Variants in KAZN observed in about 807,000 individuals in gnomAD.
KAZN encodes kazrin, periplakin interacting protein, also known as kazrin.
KAZN carries 40 observed loss-of-function variants against 87.4 expected under a neutral mutation model. The observed-to-expected ratio is 0.46, with a 90% confidence interval of 0.36 to 0.60. The LOEUF is 0.60. Among genes scored for constraint, KAZN ranks in the 20% least tolerant of loss-of-function variants. KAZN has a pLI of 0.00. For missense variants in KAZN, 898 were observed against 1,073.9 expected (o/e 0.84, Z 2.29); for synonymous variants, 466 against 458.3 (o/e 1.02, Z -0.22).
chr1:15,040,532 G>A (rs752802077), intron 3 of KAZN, among the ~76,000 whole-genome samples: 7 of 152,200 alleles, frequency 4.6e-5, no homozygotes, highest in East Asian at 3.9e-4. Flanking sequence ...TAGGGAGGCT[G>A]AGGCAGACAG....
chr1:14,772,553 G>A (rs1645049523), intron 1 of KAZN, among the ~76,000 whole-genome samples: 2 of 151,114 alleles, frequency 1.3e-5, no homozygotes, highest in Non-Finnish European at 2.9e-5. Context: ...ACCCCTCTTG[G>A]ATCTAAGTGA....
chr1:14,480,308 C>G (rs887112257), intron 2 of KAZN, among the ~76,000 whole-genome samples: 2 of 152,182 alleles, frequency 1.3e-5, no homozygotes, highest in Non-Finnish European at 2.9e-5. Flanking sequence ...CCAACAACAA[C>G]AAACATTTAC....
intron 1 of KAZN, among the ~76,000 whole-genome samples, chr1:13,895,991 A>T (rs1318116413): frequency 6.7e-6 from 1 of 150,086 alleles, no homozygotes; most frequent in African/African-American, 2.4e-5. Context: ...AATTTTCATA[A>T]TTTTTTTTTT....
At chr1:14,661,749 C>T (rs1639182667) in intron 1 of KAZN, among the ~76,000 whole-genome samples, 1 of 151,982 alleles carries the variant, frequency 6.6e-6, no homozygotes, top group African/African-American at 2.4e-5. Context: ...ACCCCCGTCT[C>T]TACTGAAAAT....
chr1:14,007,563 C>G (rs1640089982), intron 1 of KAZN, among the ~76,000 whole-genome samples: 2 of 152,208 alleles, frequency 1.3e-5, no homozygotes, highest in Admixed American at 1.3e-4. Context: ...AAACACTATC[C>G]ATGTCTGGCA....
intron 1 of KAZN, among the ~76,000 whole-genome samples, chr1:14,143,352 C>T (rs1393751380): frequency 2.0e-5 from 3 of 152,148 alleles, no homozygotes; most frequent in Non-Finnish European, 4.4e-5. Flanking sequence ...CACTGCTCCC[C>T]TAGAAAACCC....
intron 2 of KAZN, among the ~76,000 whole-genome samples, chr1:14,992,200 C>G (rs949966467): frequency 2.0e-5 from 3 of 152,138 alleles, no homozygotes; most frequent in African/African-American, 7.2e-5. Flanking sequence ...TGTCCCTACC[C>G]GTGAGTGTGT....
In KAZN at chr1:14,416,849, G is replaced by A. The variant is rs544671686; in HGVS notation, c.250-182134G>A. 2.6e-5 allele frequency among the ~76,000 whole-genome samples: 4 copies of A among 152,054 alleles called. No homozygotes were observed. The East Asian group carries it at 5.8e-4, about 22-fold the overall frequency. On this transcript the variant is annotated intron_variant, in intron 2 of 16. Coordinates refer to the KAZN transcript ENST00000636203. ...CCATGCTTGTAATTCCAGCACTTTAGGAGGCTGAGGCAGGAAGATCACTTG... is the reference window on the plus strand; with the variant it reads ...CCATGCTTGTAATTCCAGCACTTTAAGAGGCTGAGGCAGGAAGATCACTTG...
intron 2 of KAZN, among the ~76,000 whole-genome samples, chr1:14,979,609 AAAGGCTTCC>A (rs1207809377): frequency 6.6e-6 from 1 of 151,998 alleles, no homozygotes; most frequent in African/African-American, 2.4e-5. Context: ...CCTTGGGGGC[AAAGGCTTCC>A]AAGGATGGGG....
chr1:13,995,877 T>C (rs1331491199), intron 1 of KAZN, among the ~76,000 whole-genome samples: 1 of 152,222 alleles, frequency 6.6e-6, no homozygotes, highest in Non-Finnish European at 1.5e-5. Flanking sequence ...ACCATTGTTT[T>C]GGCTTTGAAG....
intron 2 of KAZN, among the ~76,000 whole-genome samples, chr1:14,297,603 G>A (rs1037956173): frequency 7.9e-5 from 12 of 151,798 alleles, no homozygotes; most frequent in African/African-American, 1.5e-4. Context: ...CTCTGCTGAC[G>A]GATGGATGGG....
chr1:14,686,317 C>T (rs554036431), intron 1 of KAZN, among the ~76,000 whole-genome samples: 1 of 152,128 alleles, frequency 6.6e-6, no homozygotes, highest in African/African-American at 2.4e-5. Flanking sequence ...CCTGCCTCGA[C>T]CTCCCAAAGT....
At chr1:14,884,414 A>G (rs911820545) in intron 1 of KAZN, among the ~76,000 whole-genome samples, 3 of 152,148 alleles carry the variant, frequency 2.0e-5, no homozygotes, top group African/African-American at 4.8e-5. Flanking sequence ...TTCAAAGGAC[A>G]TTGACACCAA....
chr1:14,081,746 C>CTTCGT (rs71570180), intron 1 of KAZN, among the ~76,000 whole-genome samples: 1 of 151,752 alleles, frequency 6.6e-6, no homozygotes. Context: ...GTCCCTTTTG[C>CTTCGT]TTTGTTTTGT....
chr1:14,981,340 A>G (rs1666229590), intron 2 of KAZN, among the ~76,000 whole-genome samples: 1 of 152,236 alleles, frequency 6.6e-6, no homozygotes, highest in Non-Finnish European at 1.5e-5. Flanking sequence ...TAGCCCATGA[A>G]GCATAGACCA....
At chr1:14,209,271 C>G (rs1247150852) in intron 2 of KAZN, among the ~76,000 whole-genome samples, 1 of 152,222 alleles carries the variant, frequency 6.6e-6, no homozygotes, top group Non-Finnish European at 1.5e-5. Flanking sequence ...AAACCAGAAC[C>G]AGAAACCACA....
At chr1:14,616,591 G>A (rs916479168) in intron 1 of KAZN, among the ~76,000 whole-genome samples, 8 of 152,144 alleles carry the variant, frequency 5.3e-5, no homozygotes, top group Non-Finnish European at 8.8e-5. Context: ...ATAAATCAGC[G>A]TCAGCGAAGG....
At chr1:14,743,646 C>T (rs1041567803) in intron 1 of KAZN, among the ~76,000 whole-genome samples, 3 of 152,098 alleles carry the variant, frequency 2.0e-5, no homozygotes, top group Non-Finnish European at 4.4e-5. Flanking sequence ...CAGAATCTCT[C>T]CCTCTCCTCG....
At chr1:14,255,638 T>C (rs1186052833) in intron 2 of KAZN, among the ~76,000 whole-genome samples, 1 of 152,202 alleles carries the variant, frequency 6.6e-6, no homozygotes, top group African/African-American at 2.4e-5. Flanking sequence ...TCAGCCAAAA[T>C]AAAAGTTGCA....
Sources: allele counts gnomAD v4.1 joint callset (sites outside exome capture counted in the v4.1 genomes callset), GRCh38; gene constraint gnomAD v4.1.1; transcripts MANE v1.5; gene names NCBI Gene and HGNC (gene_info 2026-07-23, HGNC 2026-07-21).